The following GLB1 variants were observed in gnomAD, a reference collection of about 807,000 sequenced individuals.
GLB1 encodes galactosidase beta 1.
GLB1 carries 56 observed loss-of-function variants against 74.0 expected under a neutral mutation model. That is an observed-to-expected ratio of 0.76 (90% confidence interval 0.61 to 0.94). The LOEUF is 0.94. GLB1 is among the 40% of genes least tolerant of loss of function. The probability of loss-of-function intolerance (pLI) is 0.00; values close to 1 mark genes in which losing one functional copy is unlikely to be tolerated. For synonymous variants in GLB1, 323 were observed against 323.6 expected (o/e 1.00, Z 0.02); for missense variants, 787 against 845.5 (o/e 0.93, Z 0.86).
intron 1 of GLB1, among the ~76,000 whole-genome samples, chr3:33,081,343 C>G (rs1700314596): frequency 6.6e-6 from 1 of 152,146 alleles, no homozygotes; most frequent in Non-Finnish European, 1.5e-5. Context: ...GACCTATATT[C>G]TATTGGTAAG....
chr3:33,064,508 G>GGCTC (rs1449185434), intron 5 of GLB1, among the ~76,000 whole-genome samples: 2 of 149,880 alleles, frequency 1.3e-5, no homozygotes, highest in Non-Finnish European at 1.5e-5. Context: ...CGGGCACGGT[G>GGCTC]GCTCACGCCT....
Position 33,077,377 on chromosome 3 carries a change from C to T in GLB1, c.76-4664G>A, listed in dbSNP as rs1700152197. On this transcript the variant is annotated intron_variant, in intron 1 of 15. Transcript: ENST00000307363. ...GATAGGGATGGTCAATGAGACAGAT[C>T]AGATTCCAATTTGACAGGCAACCAA... The T allele has an allele frequency of 3.1e-6, 4 of 1,302,280 alleles. No individual in the cohort carries two copies. In the South Asian group the frequency reaches 4.7e-5, roughly 15 times the overall value. 80.7% of individuals were successfully genotyped at this position (1,302,280 alleles called of 1,614,324 possible).
chr3:33,028,775 C>A (rs948357024), intron 10 of GLB1, among the ~76,000 whole-genome samples: 40 of 152,118 alleles, frequency 2.6e-4, no homozygotes, highest in African/African-American at 8.4e-4. Context: ...CAGCGATTCT[C>A]CTGCCTCAGC....
At chr3:33,023,425 T>G (rs1697589182) in intron 11 of GLB1, among the ~76,000 whole-genome samples, 1 of 152,174 alleles carries the variant, frequency 6.6e-6, no homozygotes, top group Non-Finnish European at 1.5e-5. Context: ...TTATAAGAAC[T>G]CAACCAACCA....
intron 15 of GLB1, among the ~76,000 whole-genome samples, chr3:33,000,383 ATTAAT>A (rs1261729485): frequency 2.0e-5 from 3 of 152,228 alleles, no homozygotes; most frequent in Non-Finnish European, 2.9e-5. Context: ...TTCACATTTA[ATTAAT>A]TTAAACTTAA....
In GLB1 at chr3:33,068,981, A is replaced by C. The variant is rs1457772249; in HGVS notation, c.246-11T>G. On this transcript the variant is annotated splice_polypyrimidine_tract_variant and intron_variant, in intron 2 of 15. Coordinates refer to ENST00000307363, the MANE Select transcript of GLB1 (RefSeq NM_000404.4). ...TTCCAGGGCACATACCTGCCAAGACACACACAGCCCCTTCCTGGATACTTG... is the reference window on the plus strand; with the variant it reads ...TTCCAGGGCACATACCTGCCAAGACCCACACAGCCCCTTCCTGGATACTTG... 6.2e-7 allele frequency: 1 copy of C among 1,614,016 alleles called. No homozygotes were observed. Among genetic ancestry groups the C allele is most frequent in the South Asian group, 1.1e-5 (1 of 91,074 alleles).
intron 10 of GLB1, among the ~76,000 whole-genome samples, chr3:33,041,531 G>A (rs2125505609): frequency 6.6e-6 from 1 of 151,948 alleles, no homozygotes; most frequent in Non-Finnish European, 1.5e-5. Flanking sequence ...GTGTGGTGAT[G>A]CACGCCTGTA....
chr3:32,969,709 C>G, the GLB1 span, among the ~76,000 whole-genome samples: 1 of 152,214 alleles, frequency 6.6e-6, no homozygotes, highest in East Asian at 1.9e-4. Flanking sequence ...CTAGCCATAC[C>G]TGAAATGGTG....
chr3:32,969,370 C>T, the GLB1 span, among the ~76,000 whole-genome samples: 305 of 152,202 alleles, frequency 2.0e-3, no homozygotes, highest in Admixed American at 9.7e-3. Context: ...GACTTTTAAC[C>T]GCTGGAAGTA....
chr3:32,983,002 G>A, the GLB1 span, among the ~76,000 whole-genome samples: 1 of 152,124 alleles, frequency 6.6e-6, no homozygotes, highest in Non-Finnish European at 1.5e-5. Flanking sequence ...TGAAGTGGCA[G>A]TAGACTATCC....
At chr3:33,037,557 C>G (rs1698329674) in intron 10 of GLB1, among the ~76,000 whole-genome samples, 1 of 152,150 alleles carries the variant, frequency 6.6e-6, no homozygotes, top group Non-Finnish European at 1.5e-5. Context: ...GACACCCAAA[C>G]TAAACATGGA....
At chr3:33,027,146 G>A (rs2125484134) in intron 10 of GLB1, among the ~76,000 whole-genome samples, 1 of 152,326 alleles carries the variant, frequency 6.6e-6, no homozygotes, top group East Asian at 1.9e-4. Context: ...GTGGTTCCTG[G>A]CATCTCCAAG....
At chr3:33,022,154 CT>C (rs1697515872) in intron 11 of GLB1, among the ~76,000 whole-genome samples, 1 of 152,200 alleles carries the variant, frequency 6.6e-6, no homozygotes, top group Non-Finnish European at 1.5e-5. Context: ...GCCTGTATCA[CT>C]TTTCAGTTGC....
intron 6 of GLB1, among the ~76,000 whole-genome samples, chr3:33,054,437 T>C (rs1467471714): frequency 2.6e-5 from 4 of 152,122 alleles, no homozygotes; most frequent in African/African-American, 4.8e-5. Context: ...CACAGGCCTG[T>C]CTTCTTTATC....
At chr3:33,082,725 G>A (rs1313901962) in intron 1 of GLB1, among the ~76,000 whole-genome samples, 1 of 152,198 alleles carries the variant, frequency 6.6e-6, no homozygotes, top group Non-Finnish European at 1.5e-5. Context: ...CAGGACAGCA[G>A]TATATTCTCC....
the GLB1 span, among the ~76,000 whole-genome samples, chr3:32,969,158 G>A: frequency 7.2e-5 from 11 of 152,302 alleles, no homozygotes; most frequent in Non-Finnish European, 1.5e-4. Context: ...GGAGTCCGTC[G>A]TGCTGGGTAT....
chr3:33,085,422 C>T (rs1326825524), intron 1 of GLB1, among the ~76,000 whole-genome samples: 1 of 151,886 alleles, frequency 6.6e-6, no homozygotes, highest in East Asian at 1.9e-4. Context: ...AAAATATAGT[C>T]CATTAAAAAA....
Position 33,021,607 on chromosome 3 carries a change from T to C in GLB1, c.1192A>G (p.Ile398Val), listed in dbSNP as rs199692082. The C allele has an allele frequency of 6.1e-5, 99 of 1,613,984 alleles. No homozygotes were observed. Among genetic ancestry groups the C allele is most frequent in the Non-Finnish European group, 1.6e-5 (19 of 1,180,012 alleles). Residue 398 changes from isoleucine to valine, a missense_variant, in exon 12 of 16, where the codon ATC becomes GTC. Transcript: ENST00000307363. ...ALDILCPSGPIKSLYPLTFIQ... is the reference protein window; with the variant it reads ...ALDILCPSGPVKSLYPLTFIQ... ...AATGTCAAGGGATAAAGGCTTTTGA[T>C]GGGCCCAGAGGGACACAGAATGTCC...
the GLB1 span, among the ~76,000 whole-genome samples, chr3:32,986,784 T>C: frequency 6.6e-6 from 1 of 151,968 alleles, no homozygotes; most frequent in Non-Finnish European, 1.5e-5. Context: ...AGAGACAGGG[T>C]TTCACCATGT....
Sources: gnomAD v4.1 joint callset for allele counts (sites outside exome capture counted in the v4.1 genomes callset) on GRCh38, gnomAD v4.1.1 for gene constraint, MANE v1.5 for transcripts, NCBI Gene and HGNC (gene_info 2026-07-23, HGNC 2026-07-21) for gene names.